The following ENOSF1 variants were observed in gnomAD, a reference collection of about 807,000 sequenced individuals.
ENOSF1 encodes enolase superfamily member 1.
A neutral mutation model predicts 68.2 loss-of-function variants in ENOSF1; 73 were observed. The ratio of observed to expected loss-of-function variants is 1.07; its 90% CI spans 0.89 to 1.30. ENOSF1 has a LOEUF of 1.30. ENOSF1 is among the 50% of genes most tolerant of loss of function. The pLI, the probability that ENOSF1 is intolerant of heterozygous loss-of-function variation, is 0.00. For synonymous variants in ENOSF1, 223 were observed against 210.4 expected, an observed-to-expected ratio of 1.06 and a Z score of -0.52; for missense variants, 589 against 554.5, an observed-to-expected ratio of 1.06 and a Z score of -0.62.
At chr18:689,657 TAAG>T (rs1047935105) in intron 8 of ENOSF1, among the ~76,000 whole-genome samples, 4 of 152,084 alleles carry the variant, frequency 2.6e-5, no homozygotes, top group Admixed American at 1.3e-4. Flanking sequence ...CCATGTGACA[TAAG>T]AAGGAATATA....
chr18:688,993 G>GT (rs2144938514), intron 8 of ENOSF1, among the ~76,000 whole-genome samples: 1 of 152,276 alleles, frequency 6.6e-6, no homozygotes, highest in Non-Finnish European at 1.5e-5. Context: ...AGGAGAAACA[G>GT]TAATAAATCC....
downstream of ENOSF1, among the ~76,000 whole-genome samples, chr18:667,209 TGATGGAGATGGTGATGGTGATGGA>T (rs1567990173): frequency 1.8e-4 from 10 of 56,158 alleles, no homozygotes; most frequent in Non-Finnish European, 2.3e-4. Context: ...ATGGTGATGG[TGATGGAGATGGTGATGGTGATGGA>T]GATGGAGATG....
At position 671,312 on chromosome 18, in the gene ENOSF1, T is replaced by C. The variant is rs1488129769; in HGVS notation, c.*2993A>G. 8 of 1,038,064 alleles carry C rather than the reference T, an allele frequency of 7.7e-6. No homozygotes were observed. Among genetic ancestry groups the C allele is most frequent in the Non-Finnish European group, 1.2e-5 (8 of 658,068 alleles). The allele number at this position is 1,038,064 out of a possible 1,614,324, so 64.3% of individuals were successfully genotyped here. On this transcript the variant is annotated 3_prime_UTR_variant, in exon 16 of 16. Coordinates refer to ENST00000647584, the MANE Select transcript of ENOSF1 (RefSeq NM_017512.7). ...GCCTTGCGGTGTCTGCATATTCTAA[T>C]GTTTTTAAATGATGTTTTAAAGAAT...
chr18:667,571 AG>A (rs2074879993), downstream of ENOSF1: 20 of 27,952 alleles, frequency 7.2e-4, 2 homozygotes, highest in Admixed American at 6.5e-3. Context: ...ATGGTGATGG[AG>A]ATGGTGATGG....
At chr18:700,956 GA>G (rs927470655) in intron 2 of ENOSF1, among the ~76,000 whole-genome samples, 1 of 126,542 alleles carries the variant, frequency 7.9e-6, no homozygotes, top group Non-Finnish European at 1.7e-5. Context: ...ACTTGGAAAA[GA>G]AAAAAAAGGC....
chr18:708,369 T>C (rs2145503693), intron 1 of ENOSF1, among the ~76,000 whole-genome samples: 1 of 152,096 alleles, frequency 6.6e-6, no homozygotes, highest in Non-Finnish European at 1.5e-5. Context: ...GGAGGTTACA[T>C]TTGAGAAGAC....
At chr18:703,918 TAA>T (rs1247986690) in intron 2 of ENOSF1, among the ~76,000 whole-genome samples, 1 of 152,060 alleles carries the variant, frequency 6.6e-6, no homozygotes, top group Non-Finnish European at 1.5e-5. Context: ...TCTGGTGACT[TAA>T]AAGTGTGTAG....
At chr18:683,839 A>G (rs939784268) in intron 10 of ENOSF1, among the ~76,000 whole-genome samples, 1 of 152,092 alleles carries the variant, frequency 6.6e-6, no homozygotes, top group African/African-American at 2.4e-5. Context: ...TGGCACAATA[A>G]TAAGTAGCCT....
intron 14 of ENOSF1, among the ~76,000 whole-genome samples, chr18:676,456 C>G (rs2075526940): frequency 6.6e-6 from 1 of 152,156 alleles, no homozygotes; most frequent in African/African-American, 2.4e-5. Context: ...CACCTTCCCC[C>G]CTCACTCTCT....
downstream of ENOSF1, among the ~76,000 whole-genome samples, chr18:668,062 A>G (rs570099154): frequency 1.4e-5 from 2 of 140,136 alleles, no homozygotes; most frequent in South Asian, 4.6e-4. Flanking sequence ...CCCAGTGATA[A>G]TATCTTGGGT....
chr18:694,802 T>G (rs1431973626), intron 3 of ENOSF1, among the ~76,000 whole-genome samples: 1 of 135,604 alleles, frequency 7.4e-6, no homozygotes, highest in African/African-American at 2.7e-5. Context: ...TGTTTTCCTC[T>G]CTTCTTTCTC....
chr18:687,303 TCAAGC>T (rs1420662456), intron 9 of ENOSF1: 1 of 152,206 alleles, frequency 6.6e-6, no homozygotes. Flanking sequence ...TTCTCACTCC[TCAAGC>T]CTTTATTTAG....
rs1033738229 is a variant in ENOSF1, at chr18:701,598, T to TA, written c.194-4244dup. On this transcript the variant is annotated intron_variant, in intron 2 of 15. Coordinates refer to ENST00000647584, the MANE Select transcript of ENOSF1 (RefSeq NM_017512.7). The stretch of plus-strand genomic sequence containing the variant: ...GGTGAAACCCCATCTCTACTAAAAA[T>TA]AAAAAAAAAATTAGCCGGGCGTGGT... Among the ~76,000 whole-genome samples, 41 of 148,136 alleles carry TA rather than the reference T, an allele frequency of 2.8e-4. No homozygotes were observed. The Middle Eastern group carries it at 0.01, about 38-fold the overall frequency.
chr18:663,870 A>T, the ENOSF1 span, among the ~76,000 whole-genome samples: 1 of 110,170 alleles, frequency 9.1e-6, no homozygotes, highest in Non-Finnish European at 1.8e-5. Flanking sequence ...TGTTCCATTG[A>T]TCTATATGTC....
At chr18:706,256 A>C (rs1188484452) in intron 2 of ENOSF1, among the ~76,000 whole-genome samples, 1 of 152,142 alleles carries the variant, frequency 6.6e-6, no homozygotes, top group Non-Finnish European at 1.5e-5. Context: ...AGATGATTGC[A>C]AGGAGAGAGG....
At chr18:670,002 A>G (rs1023665699), downstream of ENOSF1, among the ~76,000 whole-genome samples, 6 of 151,358 alleles carry the variant, frequency 4.0e-5, no homozygotes, top group Non-Finnish European at 7.4e-5. Flanking sequence ...TCAGGATATC[A>G]TAAGTACTTA....
At position 688,586 on chromosome 18, in the gene ENOSF1, T is replaced by C. The variant is rs374752244; in HGVS notation, c.641A>G (p.Asp214Gly). The C allele has an allele frequency of 2.8e-5, 45 of 1,613,932 alleles. No homozygotes were observed. The highest frequency in any genetic ancestry group is 3.7e-5 in the Non-Finnish European group (44 of 1,180,006). Residue 214 changes from aspartate to glycine, a missense_variant, in exon 9 of 16, where the codon GAT becomes GGT. By Grantham distance (94) the Asp-to-Gly change is moderately conservative. Transcript: ENST00000647584. ...LKQLCAQALK[D>G]GWTRFKVKVG... ...TCATCACACTCACCTGGTCCAGCCA[T>C]CCTTCAGCGCCTGGGCACAGAGCTG...
chr18:690,464 T>G (rs149928166), intron 8 of ENOSF1, 85 bp downstream of exon 8: 169 of 1,443,322 alleles, frequency 1.2e-4, no homozygotes, highest in Non-Finnish European at 1.5e-4. Context: ...AGTGAGGTAC[T>G]GAGAGTAGTG....
At chr18:704,440 GAAAAA>G (rs11429267) in intron 2 of ENOSF1, among the ~76,000 whole-genome samples, 1 of 97,254 alleles carries the variant, frequency 1.0e-5, no homozygotes, top group Non-Finnish European at 2.0e-5. Flanking sequence ...AAAAAGAAAA[GAAAAA>G]AAAAAAAAAA....
Sources: allele counts gnomAD v4.1 joint callset (sites outside exome capture counted in the v4.1 genomes callset), GRCh38; gene constraint gnomAD v4.1.1; transcripts MANE v1.5; gene names NCBI Gene and HGNC (gene_info 2026-07-23, HGNC 2026-07-21).